Variants in GPATCH2 observed in about 807,000 individuals in gnomAD.
GPATCH2 encodes G patch domain-containing protein 2.
Under a neutral mutation model 58.0 loss-of-function variants are expected in GPATCH2, and 51 were observed. The ratio of observed to expected loss-of-function variants is 0.88; its 90% confidence interval spans 0.70 to 1.11. The LOEUF is 1.11. Ranked by LOEUF, GPATCH2 falls within the 50% of genes most tolerant of loss-of-function variation. The pLI, the probability that GPATCH2 is intolerant of heterozygous loss-of-function variation, is 0.00. For synonymous variants in GPATCH2, 222 were observed against 218.5 expected (o/e 1.02, Z -0.14); for missense variants, 625 against 652.2 (o/e 0.96, Z 0.45).
At chr1:217,589,414 G>C (rs77511047) in intron 5 of GPATCH2, among the ~76,000 whole-genome samples, 2,818 of 152,176 alleles carry the variant, frequency 0.019, 69 homozygotes, top group East Asian at 0.1. Context: ...ACTTTTCCAA[G>C]ACTGCTCTCA....
At chr1:217,545,363 G>T (rs1387948615) in intron 5 of GPATCH2, among the ~76,000 whole-genome samples, 2 of 152,196 alleles carry the variant, frequency 1.3e-5, no homozygotes, top group Non-Finnish European at 2.9e-5. Context: ...AAGATGACTG[G>T]CTGGTAAGAT....
intron 5 of GPATCH2, among the ~76,000 whole-genome samples, chr1:217,580,345 A>G (rs763534588): frequency 6.6e-6 from 1 of 152,222 alleles, no homozygotes; most frequent in Non-Finnish European, 1.5e-5. Flanking sequence ...TGATGTACAG[A>G]GGATGAAACA....
intron 5 of GPATCH2, among the ~76,000 whole-genome samples, chr1:217,581,033 AAAAG>A (rs1365691713): frequency 3.3e-5 from 5 of 151,172 alleles, no homozygotes; most frequent in African/African-American, 1.2e-4. Context: ...AAAAAAAAAA[AAAAG>A]AAAGGCAGAA....
intron 7 of GPATCH2, among the ~76,000 whole-genome samples, chr1:217,492,328 T>A (rs147770570): frequency 3.0e-3 from 453 of 152,292 alleles, no homozygotes; most frequent in Non-Finnish European, 5.3e-3. Context: ...AAAACATATT[T>A]GATTGCCTCC....
chr1:217,573,669 A>G (rs1056584657), intron 5 of GPATCH2, among the ~76,000 whole-genome samples: 1 of 152,214 alleles, frequency 6.6e-6, no homozygotes, highest in African/African-American at 2.4e-5. Flanking sequence ...TTGTCTAACT[A>G]AACTTTACGA....
chr1:217,474,429 T>C (rs1660882267), intron 8 of GPATCH2, among the ~76,000 whole-genome samples: 1 of 152,206 alleles, frequency 6.6e-6, no homozygotes, highest in African/African-American at 2.4e-5. Context: ...TGAAAATTAA[T>C]GTGAATGTGG....
chr1:217,463,243 T>C (rs1410181536), intron 8 of GPATCH2, among the ~76,000 whole-genome samples: 1 of 152,180 alleles, frequency 6.6e-6, no homozygotes, highest in Non-Finnish European at 1.5e-5. Context: ...GTGTCATTTA[T>C]GTTAACATGG....
intron 5 of GPATCH2, among the ~76,000 whole-genome samples, 177 bp from the exon 6 acceptor site, chr1:217,515,066 C>T (rs17046538): frequency 0.58 from 87,640 of 151,678 alleles, 26,531 homozygotes; most frequent in East Asian, 0.84. Context: ...AAGAATACTT[C>T]ACTTGTTTTG....
intron 7 of GPATCH2, chr1:217,492,702 T>C (rs970379946): frequency 2.6e-5 from 4 of 152,166 alleles, no homozygotes; most frequent in Non-Finnish European, 5.9e-5. Context: ...ACCTGTAAAA[T>C]GGAAATAACA....
At chr1:217,620,612 G>T in intron 1 of GPATCH2, 113 bp from the exon 2 acceptor site, 2 of 657,138 alleles carry the variant, frequency 3.0e-6, no homozygotes, top group East Asian at 2.6e-5. Flanking sequence ...ATTACAAAAT[G>T]TTTCAAAGCT....
chr1:217,453,002 A>G (rs145662972), intron 8 of GPATCH2, among the ~76,000 whole-genome samples: 28 of 152,332 alleles, frequency 1.8e-4, no homozygotes, highest in Admixed American at 2.6e-4. Flanking sequence ...GGTGCAGTGG[A>G]GTTGCTACAA....
Position 217,625,354 on chromosome 1 carries a change from C to A in GPATCH2, c.57-4855G>T, listed in dbSNP as rs552475463. On this transcript the variant is annotated intron_variant, in intron 1 of 9. Transcript: ENST00000366935. ...GAAGAATCAGGAAGATGCTTTAGTC[C>A]TAACTTATTGCTTAATCTACCCTAA... Among the ~76,000 whole-genome samples, 16 of 152,088 alleles carry A rather than the reference C, an allele frequency of 1.1e-4. No homozygotes were observed. The East Asian group carries it at 2.9e-3, about 28-fold the overall frequency.
chr1:217,598,282 G>C (rs567402005), intron 5 of GPATCH2, among the ~76,000 whole-genome samples: 1 of 151,974 alleles, frequency 6.6e-6, no homozygotes, highest in South Asian at 2.1e-4. Context: ...CAGCTACTTG[G>C]GAGGCTGAGG....
chr1:217,452,670 A>G (rs1659723078), intron 8 of GPATCH2, among the ~76,000 whole-genome samples: 1 of 152,098 alleles, frequency 6.6e-6, no homozygotes, highest in African/African-American at 2.4e-5. Flanking sequence ...CCTCTTCTAA[A>G]CCTTTTTTTT....
At chr1:217,601,294 C>T (rs1427366122) in intron 5 of GPATCH2, among the ~76,000 whole-genome samples, 4 of 151,816 alleles carry the variant, frequency 2.6e-5, no homozygotes, top group East Asian at 1.9e-4. Flanking sequence ...TACAAAGAAA[C>T]GATACATGTT....
intron 9 of GPATCH2, among the ~76,000 whole-genome samples, chr1:217,438,536 A>C (rs1435019342): frequency 1.3e-5 from 2 of 152,200 alleles, no homozygotes; most frequent in African/African-American, 4.8e-5. Flanking sequence ...ACCTGATGAA[A>C]CTGAAAAACA....
At chr1:217,595,504 T>C (rs188200411) in intron 5 of GPATCH2, among the ~76,000 whole-genome samples, 9 of 146,290 alleles carry the variant, frequency 6.2e-5, no homozygotes, top group East Asian at 2.0e-4. Context: ...ATTTTCTTTT[T>C]TTCTTTTTTT....
intron 5 of GPATCH2, among the ~76,000 whole-genome samples, chr1:217,565,184 A>G (rs1478423165): frequency 6.6e-6 from 1 of 152,232 alleles, no homozygotes; most frequent in Admixed American, 6.5e-5. Context: ...AAATGTTCTA[A>G]GAACCTCAAG....
chr1:217,474,610 C>A (rs1269780617), intron 8 of GPATCH2, among the ~76,000 whole-genome samples: 3 of 152,216 alleles, frequency 2.0e-5, no homozygotes, highest in Admixed American at 2.0e-4. Flanking sequence ...AAAGCCATAA[C>A]TGCATAGCAC....
Sources: allele counts gnomAD v4.1 joint callset (sites outside exome capture counted in the v4.1 genomes callset), GRCh38; gene constraint gnomAD v4.1.1; transcripts MANE v1.5; gene names NCBI Gene and HGNC (gene_info 2026-07-23, HGNC 2026-07-21).